CTNNA2: variants seen among roughly 807,000 people sequenced by gnomAD.
CTNNA2 encodes catenin alpha 2.
Under a neutral mutation model 101.0 loss-of-function variants are expected in CTNNA2, and 42 were observed. The observed-to-expected ratio is 0.42, with a 90% CI of 0.32 to 0.54. CTNNA2 has a LOEUF of 0.54. Among genes scored for constraint, CTNNA2 ranks in the 20% least tolerant of loss-of-function variants. The probability of loss-of-function intolerance (pLI) is 0.14; values close to 1 mark genes in which losing one functional copy is unlikely to be tolerated. For synonymous variants in CTNNA2, 450 were observed against 456.4 expected, an observed-to-expected ratio of 0.99 and a Z score of 0.18; for missense variants, 871 against 1,223.1, an observed-to-expected ratio of 0.71 and a Z score of 4.29.
chr2:80,057,150 C>A lies in CTNNA2; in HGVS notation c.1056+147353C>A, dbSNP rs556184790. 1.7e-4 allele frequency among the ~76,000 whole-genome samples: 25 copies of A among 150,650 alleles called. No homozygotes were observed. The East Asian group carries it at 2.1e-3, about 13-fold the overall frequency. ...TACATAAAGCTTTTTAAAAGTAAATCCATGGGATAAGAAGTATATAAGTTG... is the reference window on the plus strand; with the variant it reads ...TACATAAAGCTTTTTAAAAGTAAATACATGGGATAAGAAGTATATAAGTTG... On this transcript the variant is annotated intron_variant, in intron 7 of 18. Coordinates refer to ENST00000402739, the MANE Select transcript of CTNNA2 (RefSeq NM_001282597.3).
chr2:79,933,384 A>G (rs1687577418), intron 7 of CTNNA2, among the ~76,000 whole-genome samples: 1 of 152,066 alleles, frequency 6.6e-6, no homozygotes, highest in Admixed American at 6.6e-5. Flanking sequence ...TGAATCTCAC[A>G]GAGTTAAGCT....
rs1687791495 is a variant in CTNNA2 at position 79,936,374 on chromosome 2, G to T, written c.1056+26577G>T. Among the ~76,000 whole-genome samples the T allele has an allele frequency of 1.3e-5, 2 of 152,022 alleles. 1 individual carries two copies. Among genetic ancestry groups the T allele is most frequent in the East Asian group, 3.9e-4 (2 of 5,172 alleles). Reference sequence around the variant, plus strand: ...TTAATTGTCATACCTGTGAAAGGAGGAATGGTGAAAATCCCTTATTTATGC... The same window carrying T: ...TTAATTGTCATACCTGTGAAAGGAGTAATGGTGAAAATCCCTTATTTATGC... On this transcript the variant is annotated intron_variant, in intron 7 of 18. Coordinates refer to ENST00000402739, the MANE Select transcript of CTNNA2 (RefSeq NM_001282597.3).
At chr2:80,637,921 T>G (rs978266177) in intron 18 of CTNNA2, among the ~76,000 whole-genome samples, 1 of 152,190 alleles carries the variant, frequency 6.6e-6, no homozygotes, top group African/African-American at 2.4e-5. Flanking sequence ...TGCAAGTTAT[T>G]AAATGGCCTT....
chr2:80,312,619 G>A (rs781309228), intron 7 of CTNNA2, among the ~76,000 whole-genome samples: 4 of 152,310 alleles, frequency 2.6e-5, no homozygotes, highest in Non-Finnish European at 4.4e-5. Context: ...ACCTACTGAC[G>A]TACTGATTTT....
intron 7 of CTNNA2, among the ~76,000 whole-genome samples, chr2:80,364,137 C>T (rs1362638190): frequency 6.6e-6 from 1 of 152,038 alleles, no homozygotes; most frequent in Admixed American, 6.6e-5. Context: ...CCTTTCAGGT[C>T]CTCGGAGACC....
At chr2:80,105,934 C>T (rs1700859902) in intron 7 of CTNNA2, among the ~76,000 whole-genome samples, 1 of 152,158 alleles carries the variant, frequency 6.6e-6, no homozygotes, top group African/African-American at 2.4e-5. Flanking sequence ...CATGTTCTCA[C>T]TTACTAGTGT....
intron 13 of CTNNA2, chr2:80,578,863 T>C (rs530342963): frequency 6.6e-6 from 1 of 152,196 alleles, no homozygotes. Context: ...TGTCCCATAG[T>C]GGGTGGTAAA....
chr2:80,244,628 G>T (rs947394771), intron 7 of CTNNA2, among the ~76,000 whole-genome samples: 2 of 152,194 alleles, frequency 1.3e-5, no homozygotes, highest in Non-Finnish European at 2.9e-5. Flanking sequence ...TCTTTTGTTA[G>T]GTTAGTGCAA....
intron 4 of CTNNA2, among the ~76,000 whole-genome samples, chr2:79,464,604 T>C (rs924900418): frequency 6.6e-6 from 1 of 152,146 alleles, no homozygotes; most frequent in African/African-American, 2.4e-5. Context: ...CCACCAACAG[T>C]GTAAAAGTGT....
chr2:79,879,783 C>T (rs573197839), intron 6 of CTNNA2, among the ~76,000 whole-genome samples: 1 of 152,226 alleles, frequency 6.6e-6, no homozygotes, highest in Non-Finnish European at 1.5e-5. Flanking sequence ...ATTTGACTTC[C>T]TATCTTCCTA....
intron 9 of CTNNA2, among the ~76,000 whole-genome samples, chr2:80,506,872 T>C (rs763938505): frequency 2.6e-5 from 4 of 152,216 alleles, no homozygotes; most frequent in Non-Finnish European, 5.9e-5. Flanking sequence ...TGCCCCAGTG[T>C]GACTCTTTAA....
intron 4 of CTNNA2, among the ~76,000 whole-genome samples, chr2:79,473,528 A>G (rs1671023136): frequency 6.6e-6 from 1 of 152,154 alleles, no homozygotes; most frequent in Non-Finnish European, 1.5e-5. Context: ...TGTACATTAC[A>G]TGCATAATAA....
intron 7 of CTNNA2, among the ~76,000 whole-genome samples, chr2:80,360,440 T>C (rs1280676061): frequency 1.3e-5 from 2 of 152,010 alleles, no homozygotes; most frequent in Admixed American, 1.3e-4. Flanking sequence ...AGCAGTATAC[T>C]TTAGTAAGAT....
Position 79,999,322 on chromosome 2 carries a change from A to C in CTNNA2, c.1056+89525A>C, listed in dbSNP as rs112852630. On this transcript the variant is annotated intron_variant, in intron 7 of 18. Transcript: ENST00000402739. ...CTGACATCTGCAAGCCGCCTTCTTCATTCCATCTAGCCACCATAGTTGTTT... is the reference window on the plus strand; with the variant it reads ...CTGACATCTGCAAGCCGCCTTCTTCCTTCCATCTAGCCACCATAGTTGTTT... Among the ~76,000 whole-genome samples, 5 of 152,304 alleles carry C rather than the reference A, an allele frequency of 3.3e-5. 1 individual carries two copies. Among genetic ancestry groups the C allele is most frequent in the African/African-American group, 9.6e-5 (4 of 41,572 alleles).
intron 6 of CTNNA2, among the ~76,000 whole-genome samples, chr2:79,901,942 T>C (rs1685095041): frequency 6.6e-6 from 1 of 152,228 alleles, no homozygotes; most frequent in African/African-American, 2.4e-5. Context: ...GGTTAACTCC[T>C]AGCCAAAGAA....
intron 1 of CTNNA2, among the ~76,000 whole-genome samples, chr2:79,530,459 A>C (rs569735776): frequency 6.6e-6 from 1 of 152,252 alleles, no homozygotes; most frequent in South Asian, 2.1e-4. Context: ...TGAATAGTGA[A>C]GAGTGGAGAA....
intron 7 of CTNNA2, among the ~76,000 whole-genome samples, chr2:80,010,241 T>C (rs61381509): frequency 0.036 from 5,492 of 152,250 alleles, 332 homozygotes; most frequent in African/African-American, 0.12. Flanking sequence ...GGACACAGGT[T>C]AGAAGACTGA....
At chr2:80,436,743 A>T (rs1239174727) in intron 9 of CTNNA2, among the ~76,000 whole-genome samples, 1 of 152,052 alleles carries the variant, frequency 6.6e-6, no homozygotes, top group Non-Finnish European at 1.5e-5. Flanking sequence ...GTCTCCTCAT[A>T]TGATGGAAGA....
chr2:80,444,182 A>T (rs1357926213), intron 9 of CTNNA2, among the ~76,000 whole-genome samples: 1 of 152,208 alleles, frequency 6.6e-6, no homozygotes, highest in Non-Finnish European at 1.5e-5. Context: ...ATTCCACGTC[A>T]TCCAATCTTC....
Sources: gnomAD v4.1 joint callset for allele counts (sites outside exome capture counted in the v4.1 genomes callset) on GRCh38, gnomAD v4.1.1 for gene constraint, MANE v1.5 for transcripts, NCBI Gene and HGNC (gene_info 2026-07-23, HGNC 2026-07-21) for gene names.